Variants in CR1L observed in about 807,000 individuals in gnomAD.
CR1L encodes complement C3b/C4b receptor 1 like.
Under a neutral mutation model 62.3 loss-of-function variants are expected in CR1L, and 59 were observed. That is an observed-to-expected ratio of 0.95 (90% CI 0.77 to 1.18). CR1L has a LOEUF of 1.18. Among genes scored for constraint, CR1L ranks in the 50% most tolerant of loss-of-function variants. The pLI, the probability that CR1L is intolerant of heterozygous loss-of-function variation, is 0.00. For synonymous variants in CR1L, 279 were observed against 248.7 expected (o/e 1.12, Z -1.15); for missense variants, 700 against 702.8 (o/e 1.00, Z 0.04).
At chr1:207,700,527 TA>T (rs1558022617) in intron 8 of CR1L, among the ~76,000 whole-genome samples, 1 of 152,156 alleles carries the variant, frequency 6.6e-6, no homozygotes, top group East Asian at 1.9e-4. Context: ...ACCCAGAAAG[TA>T]AAAAAAGAAA....
At chr1:207,701,646 C>T (rs767231537) in intron 9 of CR1L, 28 bp downstream of exon 9, 10 of 1,611,324 alleles carry the variant, frequency 6.2e-6, no homozygotes, top group South Asian at 1.1e-5. Context: ...TCTCTTGGTT[C>T]CAGAGTTCCA....
chr1:207,685,305 AG>A (rs1663883701), intron 4 of CR1L, among the ~76,000 whole-genome samples: 1 of 152,226 alleles, frequency 6.6e-6, no homozygotes, highest in Non-Finnish European at 1.5e-5. Flanking sequence ...AAGAGAATCC[AG>A]TCTCCCATCC....
intron 4 of CR1L, among the ~76,000 whole-genome samples, chr1:207,686,134 CCCTTCCTTCCTT>C (rs1174390747): frequency 3.3e-4 from 3 of 9,214 alleles, no homozygotes; most frequent in African/African-American, 1.3e-3. Context: ...CTTCCTCCCT[CCCTTCCTTCCTT>C]CCTTCCTTCC....
intron 8 of CR1L, among the ~76,000 whole-genome samples, chr1:207,700,898 A>G (rs1571528542): frequency 6.6e-6 from 1 of 152,238 alleles, no homozygotes; most frequent in East Asian, 1.9e-4. Context: ...TTGCTACTTC[A>G]TTAAAGTTGT....
chr1:207,682,917 T>C (rs2102461353), intron 3 of CR1L, among the ~76,000 whole-genome samples: 1 of 152,264 alleles, frequency 6.6e-6, no homozygotes, highest in Admixed American at 6.5e-5. Context: ...TGTTCAGTTC[T>C]TTTTGGTCAG....
chr1:207,717,025 C>T (rs1407513539), intron 10 of CR1L, among the ~76,000 whole-genome samples: 4 of 152,134 alleles, frequency 2.6e-5, no homozygotes, highest in African/African-American at 4.8e-5. Context: ...GAAACATTTA[C>T]ATTGCTAAAG....
chr1:207,691,923 G>A (rs1664003604), intron 4 of CR1L, among the ~76,000 whole-genome samples: 1 of 152,208 alleles, frequency 6.6e-6, no homozygotes, highest in Admixed American at 6.5e-5. Context: ...TAAGCTCAGA[G>A]ACTCCTGCCC....
intron 1 of CR1L, among the ~76,000 whole-genome samples, chr1:207,666,719 G>A (rs1443677332): frequency 6.6e-6 from 1 of 152,216 alleles, no homozygotes; most frequent in Non-Finnish European, 1.5e-5. Context: ...AGGATAGGAA[G>A]AGGGAGAGGA....
chr1:207,655,101 T>A (rs1663284680), intron 1 of CR1L: 1 of 339,656 alleles, frequency 2.9e-6, no homozygotes, highest in African/African-American at 2.2e-5. Context: ...TACTGCAGCG[T>A]AGAAAATAAA....
At chr1:207,648,579 G>A (rs1176005351) in intron 1 of CR1L, among the ~76,000 whole-genome samples, 1 of 115,536 alleles carries the variant, frequency 8.7e-6, no homozygotes, top group African/African-American at 3.8e-5. Context: ...CCAGATAGCA[G>A]AAGGAAACAT....
At chr1:207,661,232 T>G (rs1663415757) in intron 1 of CR1L, among the ~76,000 whole-genome samples, 1 of 152,230 alleles carries the variant, frequency 6.6e-6, no homozygotes, top group South Asian at 2.1e-4. Flanking sequence ...TCGTCTAATG[T>G]TGACAGTGGG....
chr1:207,699,471 A>G lies in CR1L; in HGVS notation c.1228+197A>G, dbSNP rs373467475. On this transcript the variant is annotated intron_variant, in intron 8 of 11. Coordinates refer to ENST00000508064, the MANE Select transcript of CR1L (RefSeq NM_175710.2). Reference sequence around the variant, plus strand: ...TGGAACTATCTGATCTGTCTCTGTCATTTTGTATTCTATGTTCTATTGCGA... The same window carrying G: ...TGGAACTATCTGATCTGTCTCTGTCGTTTTGTATTCTATGTTCTATTGCGA... 1.3e-4 allele frequency among the ~76,000 whole-genome samples: 20 copies of G among 152,278 alleles called. No homozygotes were observed. In the South Asian group the frequency reaches 3.9e-3, roughly 30 times the overall value.
intron 1 of CR1L, 86 bp from the exon 2 acceptor site, chr1:207,677,303 G>A: frequency 2.0e-6 from 2 of 1,023,412 alleles, no homozygotes; most frequent in South Asian, 2.1e-5. Context: ...GGGAGACTCT[G>A]TCACAAAAAA....
chr1:207,688,402 GT>G (rs1248429994), intron 4 of CR1L, among the ~76,000 whole-genome samples: 2 of 152,026 alleles, frequency 1.3e-5, no homozygotes, highest in Non-Finnish European at 2.9e-5. Flanking sequence ...CATACATTGT[GT>G]TTTTGTTTGG....
At chr1:207,713,377 C>G (rs1217414055) in intron 10 of CR1L, among the ~76,000 whole-genome samples, 1 of 152,204 alleles carries the variant, frequency 6.6e-6, no homozygotes. Context: ...TATGTTTTAA[C>G]CCAATTACAT....
intron 8 of CR1L, among the ~76,000 whole-genome samples, chr1:207,700,594 G>T (rs1187797692): frequency 1.3e-5 from 2 of 152,166 alleles, no homozygotes; most frequent in Non-Finnish European, 2.9e-5. Flanking sequence ...GAATCCATTT[G>T]GAGTTTTTTA....
intron 10 of CR1L, among the ~76,000 whole-genome samples, chr1:207,712,590 T>C (rs902122852): frequency 2.1e-4 from 32 of 152,230 alleles, no homozygotes; most frequent in African/African-American, 7.7e-4. Context: ...GACAACTTTT[T>C]ACCTGGGCAG....
At position 207,652,572 on chromosome 1, in the gene CR1L, T is replaced by C. The variant is rs565417619; in HGVS notation, c.97+7242T>C. Reference sequence around the variant, plus strand: ...ATGCCTATGAGGAGCCACCAACATTTGAAGCTATGGAGCTCATTGGTAAAC... The same window carrying C: ...ATGCCTATGAGGAGCCACCAACATTCGAAGCTATGGAGCTCATTGGTAAAC... On this transcript the variant is annotated intron_variant, in intron 1 of 11. Transcript: ENST00000508064. 3.3e-4 allele frequency: 516 copies of C among 1,550,232 alleles called. 1 individual carries two copies. Among genetic ancestry groups the C allele is most frequent in the Non-Finnish European group, 4.4e-4 (493 of 1,123,398 alleles).
At chr1:207,689,959 A>G (rs953297087) in intron 4 of CR1L, among the ~76,000 whole-genome samples, 72 of 152,218 alleles carry the variant, frequency 4.7e-4, no homozygotes, top group African/African-American at 1.6e-3. Context: ...TGGTACTCCT[A>G]TGCTAATTAA....
Sources: allele counts gnomAD v4.1 joint callset (sites outside exome capture counted in the v4.1 genomes callset), GRCh38; gene constraint gnomAD v4.1.1; transcripts MANE v1.5; gene names NCBI Gene and HGNC (gene_info 2026-07-23, HGNC 2026-07-21).